Variants in HNRNPUL1 observed in about 807,000 individuals in gnomAD.
HNRNPUL1 encodes the protein heterogeneous nuclear ribonucleoprotein U like 1.
HNRNPUL1 carries 14 observed loss-of-function variants against 108.5 expected under a neutral mutation model. The ratio of observed to expected loss-of-function variants is 0.13; its 90% CI spans 0.09 to 0.20. The LOEUF (loss-of-function observed/expected upper bound fraction) is 0.20, where lower values mean the gene tolerates loss of function less well. Among genes scored for constraint, HNRNPUL1 ranks in the 10% least tolerant of loss-of-function variants. HNRNPUL1 has a pLI of 1.00. For missense variants in HNRNPUL1, 804 were observed against 1,168.3 expected (o/e 0.69, Z 4.55); for synonymous variants, 422 against 445.2 (o/e 0.95, Z 0.66).
intron 2 of HNRNPUL1, among the ~76,000 whole-genome samples, chr19:41,269,757 C>T (rs1426011280): frequency 6.6e-6 from 1 of 152,034 alleles, no homozygotes; most frequent in Non-Finnish European, 1.5e-5. Flanking sequence ...AAGCTATGAT[C>T]GTGCACGGCA....
At chr19:41,284,984 A>C (rs889353994) in intron 7 of HNRNPUL1, among the ~76,000 whole-genome samples, 4 of 149,252 alleles carry the variant, frequency 2.7e-5, no homozygotes, top group Non-Finnish European at 5.9e-5. Context: ...TAACAGAGCA[A>C]GACTCTGTCT....
chr19:41,274,065 T>A lies in HNRNPUL1; in HGVS notation c.646+10T>A. Reference sequence around the variant, plus strand: ...GTTGCTATTGACACCTGTAAGTCTTTGGAGTGTGCATCTAATTCTGCCTTA... The same window carrying A: ...GTTGCTATTGACACCTGTAAGTCTTAGGAGTGTGCATCTAATTCTGCCTTA... On this transcript the variant is annotated intron_variant, in intron 4 of 14. Coordinates refer to ENST00000392006, the MANE Select transcript of HNRNPUL1 (RefSeq NM_007040.6). 1.2e-6 allele frequency: 2 copies of A among 1,610,068 alleles called. No individual in the cohort carries two copies. Among genetic ancestry groups the A allele is most frequent in the Non-Finnish European group, 8.5e-7 (1 of 1,176,248 alleles).
upstream of HNRNPUL1, among the ~76,000 whole-genome samples, chr19:41,263,518 C>T (rs541214936): frequency 6.6e-6 from 1 of 152,320 alleles, no homozygotes; most frequent in East Asian, 1.9e-4. Flanking sequence ...CCGCGGACTA[C>T]CCAAGGGAAG....
intron 2 of HNRNPUL1, among the ~76,000 whole-genome samples, chr19:41,270,342 T>G (rs905981778): frequency 1.3e-5 from 2 of 151,932 alleles, no homozygotes; most frequent in Non-Finnish European, 2.9e-5. Flanking sequence ...AAGTTGAGGC[T>G]CCATGAGCCA....
rs1273471729 is a variant in HNRNPUL1, at chr19:41,265,330, G to A, written c.295+532G>A. ...TATGCCGCTGGATGCGATCCTGGGC[G>A]TTCTCCTATTTGGGTACGGGGGTGG... On this transcript the variant is annotated intron_variant, in intron 1 of 14. Coordinates refer to ENST00000392006, the MANE Select transcript of HNRNPUL1 (RefSeq NM_007040.6). 7 of 1,017,950 alleles carry A rather than the reference G, an allele frequency of 6.9e-6. No homozygotes were observed. In the African/African-American group the frequency reaches 6.9e-5, roughly 10 times the overall value. The allele number at this position is 1,017,950 out of a possible 1,614,324, so 63.1% of individuals were successfully genotyped here.
rs775796572 is a variant in HNRNPUL1, at chr19:41,273,983, G to A, written c.574G>A (p.Gly192Ser). ...ACTTAACCCCTGTTTCTAATACAGG[G>A]GCCGCTCTCCTCAGCCTCCTGCTGA... is the stretch of plus-strand genomic sequence containing the variant. ...GYFEHREDRR[G>S]RSPQPPAEED... Residue 192 changes from glycine to serine, a missense_variant and splice_region_variant, in exon 4 of 15, where the codon GGC becomes AGC. By Grantham distance (56) the Gly-to-Ser change is moderately conservative (BLOSUM62 0). Around this residue, in one of 4 missense-constraint regions of HNRNPUL1, gnomAD observed 174 missense variants for 296.6 expected, o/e 0.59. Coordinates refer to ENST00000392006, the MANE Select transcript of HNRNPUL1 (RefSeq NM_007040.6). 4 of 1,613,462 alleles carry A rather than the reference G, an allele frequency of 2.5e-6. No homozygotes were observed. The Admixed American group carries it at 6.7e-5, about 27-fold the overall frequency.
chr19:41,292,191 C>T lies in HNRNPUL1; in HGVS notation c.1000-54C>T. ...GCATCTACTGTCCTCACATTTGACT[C>T]CCAGTGCCTATGGCAAGAGTTGGCA... On this transcript the variant is annotated intron_variant, in intron 7 of 14. Transcript: ENST00000392006. This position sits in a 1 kb window ranked among gnomAD's most constrained non-coding sequence, Gnocchi z 4.1. 1 of 1,585,428 alleles carries T rather than the reference C, an allele frequency of 6.3e-7. No individual in the cohort carries two copies. Among genetic ancestry groups the T allele is most frequent in the Non-Finnish European group, 8.6e-7 (1 of 1,158,232 alleles).
intron 3 of HNRNPUL1, among the ~76,000 whole-genome samples, chr19:41,272,825 C>T (rs1289256395): frequency 6.6e-6 from 1 of 152,154 alleles, no homozygotes; most frequent in Non-Finnish European, 1.5e-5. Flanking sequence ...GGTCATTTCC[C>T]TTCCCTAACA....
At chr19:41,305,934 C>G in intron 14 of HNRNPUL1, 67 bp downstream of exon 14, 2 of 1,122,664 alleles carry the variant, frequency 1.8e-6, no homozygotes, top group African/African-American at 1.6e-5. Flanking sequence ...GTGTGTATTC[C>G]CAGACTTAAG....
intron 10 of HNRNPUL1, among the ~76,000 whole-genome samples, chr19:41,298,162 G>A (rs1382900063): frequency 6.6e-6 from 1 of 152,142 alleles, no homozygotes; most frequent in Non-Finnish European, 1.5e-5. Flanking sequence ...GAGAGATCCT[G>A]GGCTGTCACA....
intron 2 of HNRNPUL1, among the ~76,000 whole-genome samples, chr19:41,271,510 C>T (rs1336259277): frequency 2.0e-5 from 3 of 152,152 alleles, no homozygotes; most frequent in African/African-American, 7.2e-5. Context: ...GAATGAGCTT[C>T]AGCATCAGGG....
At chr19:41,277,207 A>C (rs974541087) in intron 5 of HNRNPUL1, among the ~76,000 whole-genome samples, 1 of 152,184 alleles carries the variant, frequency 6.6e-6, no homozygotes, top group Non-Finnish European at 1.5e-5. Flanking sequence ...CTGTGTTAAC[A>C]ATTTCTTACC....
chr19:41,268,131 G>C (rs1236197614), intron 1 of HNRNPUL1, 92 bp from the exon 2 acceptor site: 2 of 1,254,508 alleles, frequency 1.6e-6, no homozygotes, highest in East Asian at 2.4e-5. Context: ...TCTTAGTTGA[G>C]CTCCTGGACC....
chr19:41,274,671 G>A (rs1237174699), intron 4 of HNRNPUL1, among the ~76,000 whole-genome samples: 1 of 152,200 alleles, frequency 6.6e-6, no homozygotes, highest in Non-Finnish European at 1.5e-5. Context: ...AAGTGGTCGA[G>A]CCTATGAATC....
intron 5 of HNRNPUL1, among the ~76,000 whole-genome samples, chr19:41,277,475 ATAAAC>A (rs963570024): frequency 9.9e-5 from 15 of 152,174 alleles, no homozygotes; most frequent in Non-Finnish European, 1.5e-4. Flanking sequence ...CTGCAACAAA[ATAAAC>A]TACGCAGTGT....
intron 7 of HNRNPUL1, among the ~76,000 whole-genome samples, chr19:41,285,709 AT>A (rs1163841805): frequency 6.6e-6 from 1 of 152,168 alleles, no homozygotes; most frequent in Non-Finnish European, 1.5e-5. Context: ...TTTTAAAATT[AT>A]TTTGATATTG....
At chr19:41,297,269 G>C (rs1231122035) in intron 10 of HNRNPUL1, among the ~76,000 whole-genome samples, 2 of 152,318 alleles carry the variant, frequency 1.3e-5, no homozygotes, top group East Asian at 3.9e-4. Flanking sequence ...AGTCTAGAAT[G>C]GTTGGGGCCA....
chr19:41,300,249 G>C (rs2037125669), intron 10 of HNRNPUL1, among the ~76,000 whole-genome samples: 1 of 152,024 alleles, frequency 6.6e-6, no homozygotes, highest in South Asian at 2.1e-4. Flanking sequence ...GACTGGCCAA[G>C]GTATGTTAGT....
chr19:41,285,434 A>G (rs1382650727), intron 7 of HNRNPUL1, among the ~76,000 whole-genome samples: 1 of 152,108 alleles, frequency 6.6e-6, no homozygotes, highest in Non-Finnish European at 1.5e-5. Context: ...CAAACTCCTG[A>G]GCTCAAGCAA....
Sources: allele counts gnomAD v4.1 joint callset (sites outside exome capture counted in the v4.1 genomes callset), GRCh38; gene constraint gnomAD v4.1.1; regional missense constraint gnomAD v4.1.1; non-coding constraint Gnocchi (gnomAD v3.1); transcripts MANE v1.5; gene names NCBI Gene and HGNC (gene_info 2026-07-23, HGNC 2026-07-21).